Variants in BZW2 observed in about 807,000 individuals in gnomAD.
The protein encoded by BZW2 is basic leucine zipper and W2 domains 2, also known as eIF5-mimic protein 1.
In BZW2, 23 loss-of-function variants were observed where a neutral mutation model predicts 53.2. That is an observed-to-expected ratio of 0.43 (90% confidence interval 0.31 to 0.61). The LOEUF (loss-of-function observed/expected upper bound fraction) is 0.61, where lower values mean the gene tolerates loss of function less well. BZW2 is among the 20% of genes least tolerant of loss of function. BZW2 has a pLI of 0.09. For synonymous variants in BZW2, 227 were observed against 186.4 expected, an observed-to-expected ratio of 1.22 and a Z score of -1.77; for missense variants, 409 against 503.1, an observed-to-expected ratio of 0.81 and a Z score of 1.79.
At position 16,665,439 on chromosome 7, in the gene BZW2, A is replaced by G; in HGVS notation, c.-5A>G. On this transcript the variant is annotated splice_region_variant and 5_prime_UTR_variant, in exon 2 of 12. Transcript: ENST00000258761. ...ATCTTTATTTTCTTTGTTTTCAGAA[A>G]TTTTATGAATAAGCATCAGAAGCCA... is the stretch of plus-strand genomic sequence containing the variant. 6.2e-7 allele frequency: 1 copy of G among 1,614,168 alleles called. No homozygotes were observed. Among genetic ancestry groups the G allele is most frequent in the Non-Finnish European group, 8.5e-7 (1 of 1,180,028 alleles).
chr7:16,683,256 T>C (rs992984990), intron 5 of BZW2, among the ~76,000 whole-genome samples: 2 of 152,232 alleles, frequency 1.3e-5, no homozygotes, highest in African/African-American at 2.4e-5. Flanking sequence ...GCCATATATG[T>C]AATAACATGT....
intron 1 of BZW2, 26 bp from the exon 2 acceptor site, chr7:16,665,411 A>G: frequency 6.2e-7 from 1 of 1,613,942 alleles, no homozygotes; most frequent in Non-Finnish European, 8.5e-7. Context: ...TCTGAAATAC[A>G]TAATCTTTAT....
At chr7:16,686,882 C>G (rs1461493158) in intron 6 of BZW2, 1 of 152,152 alleles carries the variant, frequency 6.6e-6, no homozygotes, top group Non-Finnish European at 1.5e-5. Flanking sequence ...TAAAATCACT[C>G]AGATTTATGA....
chr7:16,672,290 T>C (rs1204004263), intron 2 of BZW2, among the ~76,000 whole-genome samples: 2 of 152,168 alleles, frequency 1.3e-5, no homozygotes, highest in Admixed American at 1.3e-4. Flanking sequence ...ATTCGATGTA[T>C]TTTTTTGGAT....
At chr7:16,705,477 A>G (rs1783818785) in intron 11 of BZW2, among the ~76,000 whole-genome samples, 1 of 152,126 alleles carries the variant, frequency 6.6e-6, no homozygotes, top group African/African-American at 2.4e-5. Flanking sequence ...TGAGGTCGGG[A>G]GATCGAGACC....
chr7:16,675,451 A>G (rs1004823455), intron 3 of BZW2, among the ~76,000 whole-genome samples: 1 of 152,192 alleles, frequency 6.6e-6, no homozygotes, highest in African/African-American at 2.4e-5. Context: ...CCTTGAGAAA[A>G]CACTGCTTAA....
chr7:16,663,674 A>G (rs1782334806), intron 1 of BZW2, among the ~76,000 whole-genome samples: 1 of 152,178 alleles, frequency 6.6e-6, no homozygotes, highest in South Asian at 2.1e-4. Context: ...TGGTATAAGT[A>G]ATTAAGGAAA....
chr7:16,691,886 G>A (rs1478622730), intron 7 of BZW2, among the ~76,000 whole-genome samples: 1 of 150,694 alleles, frequency 6.6e-6, no homozygotes, highest in African/African-American at 2.5e-5. Context: ...TTCTGTGTGT[G>A]TGTGTGTGTG....
chr7:16,694,681 A>G (rs922790237), intron 7 of BZW2, among the ~76,000 whole-genome samples, 153 bp from the exon 8 acceptor site: 1 of 152,198 alleles, frequency 6.6e-6, no homozygotes, highest in South Asian at 2.1e-4. Context: ...TGTTTAGCTC[A>G]GTAAATATAC....
At chr7:16,694,039 A>G (rs1473242728) in intron 7 of BZW2, among the ~76,000 whole-genome samples, 4 of 152,210 alleles carry the variant, frequency 2.6e-5, no homozygotes, top group Middle Eastern at 3.2e-3. Flanking sequence ...GCAGTCTGAA[A>G]AATGTGAGAA....
intron 1 of BZW2, among the ~76,000 whole-genome samples, chr7:16,656,497 A>T (rs1470416106): frequency 6.6e-6 from 1 of 151,790 alleles, no homozygotes; most frequent in Non-Finnish European, 1.5e-5. Flanking sequence ...TTATGTGAAG[A>T]TGCTTGGAGG....
chr7:16,670,868 A>G (rs1426213599), intron 2 of BZW2, among the ~76,000 whole-genome samples: 2 of 152,106 alleles, frequency 1.3e-5, no homozygotes, highest in Non-Finnish European at 2.9e-5. Flanking sequence ...CATGATGAAT[A>G]TTGTCCCAGT....
chr7:16,670,508 G>C (rs957665831), intron 2 of BZW2, among the ~76,000 whole-genome samples: 7 of 152,164 alleles, frequency 4.6e-5, no homozygotes, highest in African/African-American at 1.7e-4. Flanking sequence ...TTTGATTTTG[G>C]AAACTGGTCA....
At chr7:16,700,788 T>C (rs1783643612) in intron 10 of BZW2, 2 of 152,224 alleles carry the variant, frequency 1.3e-5, no homozygotes, top group South Asian at 4.1e-4. Context: ...CTGCTTCTTT[T>C]ACCAAGTTTC....
rs1377281285 is a variant in BZW2 at position 16,700,825 on chromosome 7, G to GTA, written c.1108+2639_1108+2640insTA. 11 of 152,234 alleles carry GTA rather than the reference G, an allele frequency of 7.2e-5. No individual in the cohort carries two copies. In the East Asian group the frequency reaches 2.1e-3, roughly 29 times the overall value. 9.4% of individuals were successfully genotyped at this position (152,234 alleles called of 1,614,324 possible). A position where few individuals can be genotyped will look rare whatever the true frequency, so the allele number is the denominator to read the frequency against. ...GTGGATTCCTTTTGTTTGTCATAAG[G>GTA]AACGTAGTGCTCTAAAACAAGTTTT... is the stretch of plus-strand genomic sequence containing the variant. On this transcript the variant is annotated intron_variant, in intron 10 of 11. Coordinates refer to ENST00000258761, the MANE Select transcript of BZW2 (RefSeq NM_014038.3).
At chr7:16,652,359 C>CTTGTTCTGCCCGA (rs368510060) in intron 1 of BZW2, among the ~76,000 whole-genome samples, 240 of 152,312 alleles carry the variant, frequency 1.6e-3, no homozygotes, top group African/African-American at 5.3e-3. Flanking sequence ...TGCTTGCTAA[C>CTTGTTCTGCCCGA]TTGTTCTGCC....
chr7:16,705,064 G>T (rs979332774), intron 11 of BZW2, among the ~76,000 whole-genome samples: 1 of 152,150 alleles, frequency 6.6e-6, no homozygotes, highest in African/African-American at 2.4e-5. Context: ...TAATGAGTAA[G>T]AGTGAATTCA....
intron 2 of BZW2, among the ~76,000 whole-genome samples, chr7:16,669,689 T>A (rs1363740394): frequency 6.6e-6 from 1 of 152,210 alleles, no homozygotes; most frequent in Non-Finnish European, 1.5e-5. Flanking sequence ...TTACTGTAGT[T>A]CCCACAGTAA....
intron 3 of BZW2, among the ~76,000 whole-genome samples, chr7:16,675,802 G>A (rs1323463311): frequency 3.3e-5 from 5 of 152,218 alleles, no homozygotes; most frequent in African/African-American, 4.8e-5. Context: ...TTTAGCAGCC[G>A]GGCGTGGTGG....
Sources: gnomAD v4.1 joint callset for allele counts (sites outside exome capture counted in the v4.1 genomes callset) on GRCh38, gnomAD v4.1.1 for gene constraint, MANE v1.5 for transcripts, NCBI Gene and HGNC (gene_info 2026-07-23, HGNC 2026-07-21) for gene names.